Variants in ZNF804B observed in about 807,000 individuals in gnomAD.
ZNF804B encodes zinc finger protein 804B, also known as zinc finger 804B.
A neutral mutation model predicts 101.4 loss-of-function variants in ZNF804B; 80 were observed. That is an observed-to-expected ratio of 0.79 (90% CI 0.66 to 0.95). ZNF804B has a LOEUF of 0.95. Ranked by LOEUF, ZNF804B falls within the 40% of genes least tolerant of loss-of-function variation. ZNF804B has a pLI of 0.00. For synonymous variants in ZNF804B, 622 were observed against 558.8 expected, an observed-to-expected ratio of 1.11 and a Z score of -1.59; for missense variants, 1,673 against 1,561.9, an observed-to-expected ratio of 1.07 and a Z score of -1.20.
intron 1 of ZNF804B, among the ~76,000 whole-genome samples, chr7:89,055,339 G>A (rs1489013084): frequency 6.6e-6 from 1 of 152,106 alleles, no homozygotes; most frequent in African/African-American, 2.4e-5. Context: ...ACTCCTGTAA[G>A]TTCAATGAGA....
intron 1 of ZNF804B, among the ~76,000 whole-genome samples, chr7:88,774,241 C>T (rs1366362455): frequency 1.0e-4 from 15 of 149,678 alleles, no homozygotes; most frequent in Non-Finnish European, 1.8e-4. Context: ...ACTTCGGCCA[C>T]CTCCAAGTGA....
At chr7:88,929,197 A>G (rs1792847674) in intron 1 of ZNF804B, among the ~76,000 whole-genome samples, 1 of 151,860 alleles carries the variant, frequency 6.6e-6, no homozygotes, top group African/African-American at 2.4e-5. Context: ...TTTAACTCCC[A>G]AGCCTCCTAA....
chr7:89,170,554 C>T (rs1791207732), intron 1 of ZNF804B, among the ~76,000 whole-genome samples: 2 of 152,118 alleles, frequency 1.3e-5, no homozygotes, highest in Admixed American at 6.5e-5. Context: ...GGACAGTCTA[C>T]CCCCTTCAGT....
intron 3 of ZNF804B, among the ~76,000 whole-genome samples, chr7:89,328,416 C>T (rs1480523372): frequency 6.6e-6 from 1 of 151,692 alleles, no homozygotes; most frequent in Non-Finnish European, 1.5e-5. Flanking sequence ...ATCATATTAA[C>T]AAGAAATGAG....
Position 88,882,475 on chromosome 7 carries a change from A to G in ZNF804B, c.108+122391A>G, listed in dbSNP as rs1235503344. Among the ~76,000 whole-genome samples the G allele has an allele frequency of 5.3e-5, 8 of 152,192 alleles. No individual in the cohort carries two copies. In the East Asian group the frequency reaches 1.5e-3, roughly 29 times the overall value. On this transcript the variant is annotated intron_variant, in intron 1 of 3. Transcript: ENST00000333190. Reference sequence around the variant, plus strand: ...GGAAAGCAGTTTGGAGATTTCTCAAAGAACTTAAAACAGAGCTTCCATTTG... The same window carrying G: ...GGAAAGCAGTTTGGAGATTTCTCAAGGAACTTAAAACAGAGCTTCCATTTG...
At chr7:88,801,006 C>T (rs533849018) in intron 1 of ZNF804B, among the ~76,000 whole-genome samples, 92 of 139,402 alleles carry the variant, frequency 6.6e-4, no homozygotes, top group African/African-American at 2.6e-3. Flanking sequence ...CACAGTGATT[C>T]AAACCCTGAC....
At chr7:89,234,188 A>G (rs1281678343) in intron 2 of ZNF804B, among the ~76,000 whole-genome samples, 1 of 152,116 alleles carries the variant, frequency 6.6e-6, no homozygotes, top group Non-Finnish European at 1.5e-5. Context: ...TATTAAAGAT[A>G]TGGCAATTAA....
rs73705590 is a variant in ZNF804B at position 88,919,709 on chromosome 7, C to T, written c.108+159625C>T. Among the ~76,000 whole-genome samples, 169 of 152,176 alleles carry T rather than the reference C, an allele frequency of 1.1e-3. 1 individual carries two copies. The highest frequency in any genetic ancestry group is 3.8e-3 in the African/African-American group (159 of 41,540). ...TTAGGCTGACTCAGAATCTATGATC[C>T]AGGCACATTGTTATCGTAGCATTTC... is the stretch of plus-strand genomic sequence containing the variant. On this transcript the variant is annotated intron_variant, in intron 1 of 3. Coordinates refer to ENST00000333190, the MANE Select transcript of ZNF804B (RefSeq NM_181646.5).
At chr7:89,317,627 G>A (rs1474361625) in intron 2 of ZNF804B, among the ~76,000 whole-genome samples, 1 of 152,216 alleles carries the variant, frequency 6.6e-6, no homozygotes, top group Non-Finnish European at 1.5e-5. Context: ...CAGCTGGCTA[G>A]AGTAGAGGAA....
chr7:89,165,958 T>C (rs1052008686), intron 1 of ZNF804B, among the ~76,000 whole-genome samples: 1 of 152,174 alleles, frequency 6.6e-6, no homozygotes, highest in African/African-American at 2.4e-5. Flanking sequence ...CAAAACATTT[T>C]AATTTATACC....
rs758918382 is a variant in ZNF804B, at chr7:89,047,822, G to A, written c.109-170333G>A. On this transcript the variant is annotated intron_variant, in intron 1 of 3. Transcript: ENST00000333190. Reference sequence around the variant, plus strand: ...TCTCTAGACTGTCTAGAACCACTCCGTGATCAGTGGTCTCTTAGGCAAAAA... The same window carrying A: ...TCTCTAGACTGTCTAGAACCACTCCATGATCAGTGGTCTCTTAGGCAAAAA... Among the ~76,000 whole-genome samples, 180 of 152,010 alleles carry A rather than the reference G, an allele frequency of 1.2e-3. 2 individuals carry two copies. The highest frequency in any genetic ancestry group is 6.6e-4 in the Admixed American group (10 of 15,254).
At chr7:89,148,806 T>G (rs761338056) in intron 1 of ZNF804B, among the ~76,000 whole-genome samples, 5 of 152,096 alleles carry the variant, frequency 3.3e-5, no homozygotes, top group Non-Finnish European at 7.4e-5. Context: ...ATCTGCTGAA[T>G]AGTCCCTTAT....
At chr7:89,298,287 C>T (rs1350334882) in intron 2 of ZNF804B, among the ~76,000 whole-genome samples, 3 of 115,034 alleles carry the variant, frequency 2.6e-5, no homozygotes, top group African/African-American at 6.6e-5. Flanking sequence ...ATGTGCAGAA[C>T]GTGCAGGTTT....
intron 1 of ZNF804B, among the ~76,000 whole-genome samples, chr7:89,124,119 C>T (rs1331497255): frequency 6.6e-6 from 1 of 152,138 alleles, no homozygotes; most frequent in African/African-American, 2.4e-5. Context: ...GGCTTCTGGT[C>T]AAGCTGGACT....
intron 1 of ZNF804B, among the ~76,000 whole-genome samples, chr7:88,856,337 T>C (rs868783751): frequency 6.6e-6 from 1 of 151,976 alleles, no homozygotes; most frequent in Non-Finnish European, 1.5e-5. Context: ...TTGTAAGTTG[T>C]ATTCATAGGT....
intron 1 of ZNF804B, among the ~76,000 whole-genome samples, chr7:88,808,217 A>G (rs1416408457): frequency 6.6e-6 from 1 of 151,760 alleles, no homozygotes; most frequent in Non-Finnish European, 1.5e-5. Context: ...CATGGTGAAA[A>G]CCCTTCTACT....
chr7:88,797,345 C>T (rs1008438943), intron 1 of ZNF804B, among the ~76,000 whole-genome samples: 2 of 152,076 alleles, frequency 1.3e-5, no homozygotes, highest in African/African-American at 4.8e-5. Flanking sequence ...TTCTCCACCC[C>T]ACAAATTCAG....
chr7:88,821,033 C>T (rs1193814573), intron 1 of ZNF804B, among the ~76,000 whole-genome samples: 1 of 152,182 alleles, frequency 6.6e-6, no homozygotes, highest in Non-Finnish European at 1.5e-5. Context: ...CTCAAACCTC[C>T]ATGGGTATCT....
chr7:89,060,573 A>G (rs756420098), intron 1 of ZNF804B, among the ~76,000 whole-genome samples: 11 of 152,156 alleles, frequency 7.2e-5, no homozygotes, highest in Non-Finnish European at 1.2e-4. Flanking sequence ...GAAGAGGAGA[A>G]AATGCAGGTG....
Sources: allele counts gnomAD v4.1 joint callset (sites outside exome capture counted in the v4.1 genomes callset), GRCh38; gene constraint gnomAD v4.1.1; transcripts MANE v1.5; gene names NCBI Gene and HGNC (gene_info 2026-07-23, HGNC 2026-07-21).